Variants in PRKG1 observed in about 807,000 individuals in gnomAD.
PRKG1 encodes protein kinase cGMP-dependent 1, also known as cGMP-dependent protein kinase 1.
PRKG1 carries 35 observed loss-of-function variants against 88.1 expected under a neutral mutation model. That is an observed-to-expected ratio of 0.40 (90% CI 0.30 to 0.53). The LOEUF is 0.53. Among genes scored for constraint, PRKG1 ranks in the 20% least tolerant of loss-of-function variants. The pLI is 0.59. For missense variants in PRKG1, 540 were observed against 839.8 expected, an observed-to-expected ratio of 0.64 and a Z score of 4.41; for synonymous variants, 303 against 292.5, an observed-to-expected ratio of 1.04 and a Z score of -0.37.
intron 3 of PRKG1, among the ~76,000 whole-genome samples, chr10:51,607,521 G>C (rs1422833497): frequency 6.6e-6 from 1 of 152,164 alleles, no homozygotes; most frequent in Non-Finnish European, 1.5e-5. Context: ...GGGAGCTCCA[G>C]CCTCCACAGA....
chr10:51,755,205 C>T (rs1395955374), intron 3 of PRKG1, among the ~76,000 whole-genome samples: 1 of 152,164 alleles, frequency 6.6e-6, no homozygotes, highest in African/African-American at 2.4e-5. Context: ...AGCTGCTCAA[C>T]TGTTAAGCTG....
intron 5 of PRKG1, among the ~76,000 whole-genome samples, chr10:52,024,699 T>C (rs1191908504): frequency 1.3e-5 from 2 of 152,216 alleles, no homozygotes; most frequent in Non-Finnish European, 2.9e-5. Context: ...ATGGTGTATA[T>C]GTACCACATT....
chr10:51,916,022 G>A (rs1842331586), intron 5 of PRKG1, among the ~76,000 whole-genome samples: 1 of 152,116 alleles, frequency 6.6e-6, no homozygotes, highest in South Asian at 2.1e-4. Context: ...AAAATGGTGT[G>A]CCTTCTTTGG....
chr10:51,752,455 A>G (rs940951431), intron 3 of PRKG1, among the ~76,000 whole-genome samples: 2 of 152,178 alleles, frequency 1.3e-5, no homozygotes, highest in Admixed American at 1.3e-4. Context: ...AAACTTACAT[A>G]GAATTTTAGG....
chr10:51,554,742 G>A (rs1282991630), intron 3 of PRKG1, among the ~76,000 whole-genome samples: 1 of 151,688 alleles, frequency 6.6e-6, no homozygotes, highest in African/African-American at 2.4e-5. Context: ...GGTGCCCAGG[G>A]CTGTCCTTGG....
intron 2 of PRKG1, among the ~76,000 whole-genome samples, chr10:51,354,906 G>C (rs796626579): frequency 6.6e-6 from 1 of 152,076 alleles, no homozygotes; most frequent in Non-Finnish European, 1.5e-5. Flanking sequence ...AGGCTCAGAT[G>C]CTGACAGTTA....
intron 3 of PRKG1, among the ~76,000 whole-genome samples, chr10:51,473,861 G>A (rs1198382683): frequency 2.6e-5 from 4 of 151,794 alleles, no homozygotes; most frequent in African/African-American, 9.7e-5. Flanking sequence ...GCTTGAGTCA[G>A]TTTTTGGTGT....
chr10:51,072,688 T>C (rs932647684), upstream of PRKG1, among the ~76,000 whole-genome samples: 1 of 152,164 alleles, frequency 6.6e-6, no homozygotes, highest in African/African-American at 2.4e-5. Context: ...AAGTGTCTTG[T>C]GTAATCTGCA....
At chr10:51,164,117 C>T (rs1846456073) in intron 2 of PRKG1, among the ~76,000 whole-genome samples, 1 of 152,178 alleles carries the variant, frequency 6.6e-6, no homozygotes, top group South Asian at 2.1e-4. Flanking sequence ...TGACCCCTGA[C>T]CCCCGAGCAG....
At chr10:51,142,035 A>G (rs1017225442) in intron 1 of PRKG1, among the ~76,000 whole-genome samples, 5 of 152,112 alleles carry the variant, frequency 3.3e-5, no homozygotes, top group African/African-American at 1.2e-4. Flanking sequence ...ATCCAAATTG[A>G]TAACAAATTT....
chr10:51,051,083 G>A (rs1160621621), intron 1 of PRKG1, among the ~76,000 whole-genome samples: 1 of 151,934 alleles, frequency 6.6e-6, no homozygotes, highest in African/African-American at 2.4e-5. Context: ...TAAATGGTTT[G>A]CAAGCATTTT....
chr10:51,356,012 C>G (rs774503993), intron 2 of PRKG1, among the ~76,000 whole-genome samples: 5 of 152,006 alleles, frequency 3.3e-5, no homozygotes, highest in Non-Finnish European at 5.9e-5. Flanking sequence ...CCTGCTAAAC[C>G]TGCACATTTT....
Position 51,751,871 on chromosome 10 carries a change from A to G in PRKG1, c.593-52714A>G, listed in dbSNP as rs1233883688. Among the ~76,000 whole-genome samples the G allele has an allele frequency of 2.0e-5, 3 of 152,260 alleles. No homozygotes were observed. In the East Asian group the frequency reaches 5.8e-4, roughly 29 times the overall value. ...ACCTAATCTAGTGCCTGGCCTACAT[A>G]AGTATTTGTTGCGTAAAGTAATAAA... On this transcript the variant is annotated intron_variant, in intron 3 of 17. Transcript: ENST00000373980.
intron 3 of PRKG1, among the ~76,000 whole-genome samples, chr10:51,663,428 G>A (rs975501620): frequency 6.6e-6 from 1 of 151,888 alleles, no homozygotes; most frequent in Non-Finnish European, 1.5e-5. Flanking sequence ...TTTCTGGCTG[G>A]ATGTGGTGAC....
chr10:51,376,322 A>T (rs1242712097), intron 2 of PRKG1, among the ~76,000 whole-genome samples: 1 of 152,162 alleles, frequency 6.6e-6, no homozygotes, highest in Non-Finnish European at 1.5e-5. Context: ...ATCACAATAC[A>T]GTTGTGTCTC....
chr10:51,007,088 A>G (rs911756696), intron 1 of PRKG1, among the ~76,000 whole-genome samples: 1 of 151,802 alleles, frequency 6.6e-6, no homozygotes, highest in East Asian at 1.9e-4. Context: ...ACAGGTGCCC[A>G]CCACCACACC....
intron 3 of PRKG1, among the ~76,000 whole-genome samples, chr10:51,673,152 G>T (rs1288016691): frequency 6.6e-6 from 1 of 152,172 alleles, no homozygotes; most frequent in South Asian, 2.1e-4. Context: ...CTTGCTAGGT[G>T]CCTGGCACTA....
chr10:51,583,486 T>A (rs10998349), intron 3 of PRKG1, among the ~76,000 whole-genome samples: 10,513 of 152,166 alleles, frequency 0.069, 1,190 homozygotes, highest in African/African-American at 0.24. Flanking sequence ...TTCCTGTTTT[T>A]ACTCTAAACA....
chr10:51,346,229 G>C (rs138231441), intron 2 of PRKG1, among the ~76,000 whole-genome samples: 5 of 152,130 alleles, frequency 3.3e-5, no homozygotes, highest in South Asian at 2.1e-4. Flanking sequence ...TTAGATTAGC[G>C]TACAATTGGA....
Sources: allele counts gnomAD v4.1 joint callset (sites outside exome capture counted in the v4.1 genomes callset), GRCh38; gene constraint gnomAD v4.1.1; transcripts MANE v1.5; gene names NCBI Gene and HGNC (gene_info 2026-07-23, HGNC 2026-07-21).